ROBO2: variants seen among roughly 807,000 people sequenced by gnomAD.
ROBO2 encodes roundabout homolog 2.
Under a neutral mutation model 160.8 loss-of-function variants are expected in ROBO2, and 53 were observed. The ratio of observed to expected loss-of-function variants is 0.33; its 90% CI spans 0.26 to 0.41. The LOEUF (loss-of-function observed/expected upper bound fraction) is 0.41, where lower values mean the gene tolerates loss of function less well. Ranked by LOEUF, ROBO2 falls within the 10% of genes least tolerant of loss-of-function variation. The pLI is 1.00. For missense variants in ROBO2, 1,577 were observed against 1,722.4 expected (o/e 0.92, Z 1.49); for synonymous variants, 664 against 611.7 (o/e 1.09, Z -1.26).
At chr3:77,166,882 C>T (rs2079146140) in intron 2 of ROBO2, among the ~76,000 whole-genome samples, 1 of 152,144 alleles carries the variant, frequency 6.6e-6, no homozygotes, top group African/African-American at 2.4e-5. Flanking sequence ...TTAAGCAGTC[C>T]AGGCCAATTG....
chr3:77,312,284 T>C (rs1381224659), intron 2 of ROBO2, among the ~76,000 whole-genome samples: 1 of 152,172 alleles, frequency 6.6e-6, no homozygotes, highest in Non-Finnish European at 1.5e-5. Flanking sequence ...CTAGACAACT[T>C]TCAAAACAAC....
intron 13 of ROBO2, among the ~76,000 whole-genome samples, chr3:77,574,240 T>G (rs983929361): frequency 6.6e-6 from 1 of 151,992 alleles, no homozygotes; most frequent in African/African-American, 2.4e-5. Flanking sequence ...ATTAATTAGG[T>G]TGGTATCTTA....
At chr3:76,928,769 T>C (rs2077144630) in intron 2 of ROBO2, among the ~76,000 whole-genome samples, 1 of 152,146 alleles carries the variant, frequency 6.6e-6, no homozygotes, top group South Asian at 2.1e-4. Flanking sequence ...CTCCAAGAAT[T>C]CTCCAGGAGA....
chr3:77,305,458 A>C (rs1436973298), intron 2 of ROBO2, among the ~76,000 whole-genome samples: 1 of 152,216 alleles, frequency 6.6e-6, no homozygotes, highest in Non-Finnish European at 1.5e-5. Flanking sequence ...CTAAGCTGAC[A>C]CATTTGAGGA....
At chr3:76,604,716 TG>T (rs1365721663) in intron 2 of ROBO2, among the ~76,000 whole-genome samples, 3 of 152,152 alleles carry the variant, frequency 2.0e-5, no homozygotes, top group Non-Finnish European at 4.4e-5. Flanking sequence ...TGCTTTTGCA[TG>T]GGAGTATGTA....
At chr3:76,083,787 G>A (rs1298345869) in intron 2 of ROBO2, among the ~76,000 whole-genome samples, 1 of 152,098 alleles carries the variant, frequency 6.6e-6, no homozygotes, top group African/African-American at 2.4e-5. Flanking sequence ...TAATTGAATA[G>A]CGTGTAGACT....
intron 2 of ROBO2, among the ~76,000 whole-genome samples, chr3:77,200,174 C>T (rs1009595727): frequency 3.4e-5 from 5 of 147,852 alleles, no homozygotes; most frequent in African/African-American, 1.2e-4. Flanking sequence ...GAATGACTTT[C>T]CTTCTAACAA....
chr3:77,539,771 T>C (rs985976895), intron 6 of ROBO2, among the ~76,000 whole-genome samples: 12 of 152,086 alleles, frequency 7.9e-5, no homozygotes, highest in African/African-American at 2.7e-4. Context: ...GTCAGACATA[T>C]AGGCTGGGGA....
intron 2 of ROBO2, among the ~76,000 whole-genome samples, chr3:76,000,282 C>T (rs550460696): frequency 7.9e-5 from 12 of 152,118 alleles, no homozygotes; most frequent in African/African-American, 2.4e-4. Context: ...AAAGAGGTTT[C>T]TTTCTTGAGG....
At chr3:77,408,795 G>C (rs907494086) in intron 2 of ROBO2, among the ~76,000 whole-genome samples, 6 of 152,014 alleles carry the variant, frequency 3.9e-5, no homozygotes, top group African/African-American at 1.4e-4. Context: ...ATGATAGCTG[G>C]CTGCAGCCTC....
chr3:76,307,929 A>G (rs951921960), intron 2 of ROBO2, among the ~76,000 whole-genome samples: 3 of 152,180 alleles, frequency 2.0e-5, no homozygotes, highest in Non-Finnish European at 4.4e-5. Context: ...AGAAGGATTG[A>G]GAGTGCAGAG....
At chr3:76,269,422 T>C (rs555851826) in intron 2 of ROBO2, among the ~76,000 whole-genome samples, 145 of 152,216 alleles carry the variant, frequency 9.5e-4, no homozygotes, top group Non-Finnish European at 1.9e-3. Flanking sequence ...AGGGTTACTT[T>C]TTCCTTCTGA....
At position 76,330,622 on chromosome 3, in the gene ROBO2, G is replaced by C. The variant is rs80278832; in HGVS notation, c.109+393020G>C. Reference sequence around the variant, plus strand: ...ACATTGGTTAAAAAATAAAATAAAAGATCATCATTAAGAGCAATTTGTGCA... The same window carrying C: ...ACATTGGTTAAAAAATAAAATAAAACATCATCATTAAGAGCAATTTGTGCA... On this transcript the variant is annotated intron_variant, in intron 2 of 26. Transcript: ENST00000487694. Among the ~76,000 whole-genome samples the C allele has an allele frequency of 6.6e-4, 100 of 152,204 alleles. No homozygotes were observed. In the East Asian group the frequency reaches 0.018, roughly 28 times the overall value.
chr3:76,188,163 T>A (rs1011964943), intron 2 of ROBO2, among the ~76,000 whole-genome samples: 1 of 152,020 alleles, frequency 6.6e-6, no homozygotes, highest in South Asian at 2.1e-4. Context: ...CAGTTATAGA[T>A]TGAAGTGTCC....
chr3:76,417,360 T>C (rs918247209), intron 2 of ROBO2, among the ~76,000 whole-genome samples: 1 of 152,230 alleles, frequency 6.6e-6, no homozygotes, highest in Non-Finnish European at 1.5e-5. Flanking sequence ...TAGGACATCA[T>C]GTTATCATTC....
intron 2 of ROBO2, among the ~76,000 whole-genome samples, chr3:76,956,992 G>A (rs926586862): frequency 6.6e-6 from 1 of 152,134 alleles, no homozygotes. Flanking sequence ...TTATTATGCC[G>A]TGAAAAATAG....
chr3:76,308,399 A>G (rs1559740792), intron 2 of ROBO2, among the ~76,000 whole-genome samples: 1 of 139,158 alleles, frequency 7.2e-6, no homozygotes, highest in Non-Finnish European at 1.6e-5. Context: ...AAAAAAAAAG[A>G]AAGAAAGAAA....
At chr3:77,087,057 T>G (rs1275662037) in intron 1 of ROBO2, among the ~76,000 whole-genome samples, 1 of 152,118 alleles carries the variant, frequency 6.6e-6, no homozygotes, top group Non-Finnish European at 1.5e-5. Context: ...ACATTGACAC[T>G]GGGTCTTTTG....
intron 2 of ROBO2, among the ~76,000 whole-genome samples, chr3:76,148,530 A>C (rs1262220258): frequency 2.0e-5 from 3 of 151,992 alleles, no homozygotes; most frequent in South Asian, 2.1e-4. Context: ...AATTTATCCC[A>C]AAAAAATCCA....
Sources: gnomAD v4.1 joint callset for allele counts (sites outside exome capture counted in the v4.1 genomes callset) on GRCh38, gnomAD v4.1.1 for gene constraint, MANE v1.5 for transcripts, NCBI Gene and HGNC (gene_info 2026-07-23, HGNC 2026-07-21) for gene names.